Variants in NPY1R observed in about 807,000 individuals in gnomAD.
NPY1R encodes neuropeptide Y receptor Y1, also known as neuropeptide Y receptor type 1.
NPY1R carries 10 observed loss-of-function variants against 24.1 expected under a neutral mutation model. The observed-to-expected ratio is 0.42, with a 90% CI of 0.26 to 0.71. The LOEUF (loss-of-function observed/expected upper bound fraction) is 0.71, where lower values mean the gene tolerates loss of function less well. Ranked by LOEUF, NPY1R falls within the 30% of genes least tolerant of loss-of-function variation. The probability of loss-of-function intolerance (pLI) is 0.28; values close to 1 mark genes in which losing one functional copy is unlikely to be tolerated. For missense variants in NPY1R, 350 were observed against 458.0 expected (o/e 0.76, Z 2.15); for synonymous variants, 168 against 165.9 (o/e 1.01, Z -0.10).
At chr4:163,331,873 C>G (rs1330764099) in intron 1 of NPY1R, among the ~76,000 whole-genome samples, 1 of 152,234 alleles carries the variant, frequency 6.6e-6, no homozygotes, top group Non-Finnish European at 1.5e-5. Context: ...CTGCGGAGCG[C>G]GGCTCGATTG....
chr4:163,333,621 C>G (rs1358526523), upstream of NPY1R, among the ~76,000 whole-genome samples: 1 of 152,194 alleles, frequency 6.6e-6, no homozygotes, highest in African/African-American at 2.4e-5. Flanking sequence ...GAAAACAATT[C>G]TAATGGCAGT....
At chr4:163,329,391 A>C (rs1734678070) in intron 1 of NPY1R, among the ~76,000 whole-genome samples, 1 of 152,250 alleles carries the variant, frequency 6.6e-6, no homozygotes, top group East Asian at 1.9e-4. Flanking sequence ...ACCTGAAGTC[A>C]AGAGTTTGAG....
chr4:163,343,127 CAGA>C (rs1735047875), intron 1 of NPY1R, among the ~76,000 whole-genome samples: 1 of 151,368 alleles, frequency 6.6e-6, no homozygotes. Context: ...TGGGAAGGAA[CAGA>C]AGGACAGGTT....
chr4:163,326,857 A>T (rs539766934), intron 1 of NPY1R, among the ~76,000 whole-genome samples, 152 bp from the exon 2 acceptor site: 1 of 152,348 alleles, frequency 6.6e-6, no homozygotes, highest in Non-Finnish European at 1.5e-5. Context: ...AGAAATGGTG[A>T]AAACATACTG....
upstream of NPY1R, chr4:163,333,151 C>T (rs759949054): frequency 2.0e-5 from 3 of 152,090 alleles, no homozygotes; most frequent in Admixed American, 2.0e-4. Flanking sequence ...TCAATCGGCC[C>T]TCCTTTCTTT....
At chr4:163,328,625 A>T (rs182702027) in intron 1 of NPY1R, among the ~76,000 whole-genome samples, 2 of 152,152 alleles carry the variant, frequency 1.3e-5, no homozygotes, top group East Asian at 3.9e-4. Context: ...CCCCAGCCTG[A>T]CACATTAAGA....
upstream of NPY1R, among the ~76,000 whole-genome samples, chr4:163,333,804 C>T (rs1734784395): frequency 3.3e-5 from 5 of 152,132 alleles, no homozygotes; most frequent in South Asian, 1.0e-3. Context: ...GATGTTTTTC[C>T]AAGAAAGCTT....
upstream of NPY1R, among the ~76,000 whole-genome samples, chr4:163,337,599 T>C (rs1383641974): frequency 6.6e-6 from 1 of 152,212 alleles, no homozygotes; most frequent in Non-Finnish European, 1.5e-5. Context: ...ACAAGCCATC[T>C]CACTCTGCTC....
intron 1 of NPY1R, among the ~76,000 whole-genome samples, chr4:163,342,986 A>T (rs1176621308): frequency 6.8e-3 from 38 of 5,600 alleles, no homozygotes; most frequent in African/African-American, 8.8e-3. Context: ...TCACAGACAC[A>T]CACACACACA....
At chr4:163,335,562 A>G (rs537221881), upstream of NPY1R, among the ~76,000 whole-genome samples, 32 of 152,338 alleles carry the variant, frequency 2.1e-4, no homozygotes, top group African/African-American at 7.7e-4. Flanking sequence ...GTAAATTACC[A>G]TGAATTGTCA....
At chr4:163,331,612 G>C (rs1395264494) in intron 1 of NPY1R, among the ~76,000 whole-genome samples, 1 of 151,936 alleles carries the variant, frequency 6.6e-6, no homozygotes, top group South Asian at 2.1e-4. Context: ...ATCCCAAACC[G>C]AAGTCAATTC....
intron 1 of NPY1R, among the ~76,000 whole-genome samples, chr4:163,327,152 T>C (rs1012491131): frequency 1.3e-5 from 2 of 152,214 alleles, no homozygotes; most frequent in African/African-American, 2.4e-5. Flanking sequence ...GGTCAAGTTA[T>C]AGCAATAGCT....
chr4:163,344,241 C>CTCCTGACA (rs1403156662), intron 1 of NPY1R: 1 of 152,466 alleles, frequency 6.6e-6, no homozygotes, highest in Non-Finnish European at 1.5e-5. Flanking sequence ...AGTGAAGAGA[C>CTCCTGACA]AGCGGAGAGG....
chr4:163,337,784 C>G (rs1180317207), upstream of NPY1R, among the ~76,000 whole-genome samples: 1 of 152,184 alleles, frequency 6.6e-6, no homozygotes, highest in Non-Finnish European at 1.5e-5. Context: ...AATTGCTCAT[C>G]TCTTTCTCAT....
At position 163,326,194 on chromosome 4, in the gene NPY1R, A is replaced by G; in HGVS notation, c.361T>C (p.Cys121Arg). 2.5e-6 allele frequency: 4 copies of G among 1,614,176 alleles called. No individual in the cohort carries two copies. Among genetic ancestry groups the G allele is most frequent in the Non-Finnish European group, 3.4e-6 (4 of 1,179,994 alleles). Reference protein sequence around the residue: ...AMCKLNPFVQCVSITVSIFSL... With the variant: ...AMCKLNPFVQRVSITVSIFSL... The stretch of plus-strand genomic sequence containing the variant: ...AAAATGGACACAGTGATTGAAACAC[A>G]TTGCACAAAAGGATTCAACTTACAC... Residue 121 changes from cysteine to arginine, a missense_variant, in exon 2 of 3, where the codon TGT (cysteine) becomes CGT (arginine). Physicochemically the swap from Cys to Arg is radical, Grantham distance 180 (BLOSUM62 -3). Transcript: ENST00000296533.
chr4:163,338,318 T>G lies in NPY1R; in HGVS notation c.-152+5987A>C, dbSNP rs1000210239. ...TAAATATAGTCAAAAATAAATTAATTTTAGCCCATTTAGAGCCTACCTTCT... is the reference window on the plus strand; with the variant it reads ...TAAATATAGTCAAAAATAAATTAATGTTAGCCCATTTAGAGCCTACCTTCT... On this transcript the variant is annotated intron_variant, in intron 1 of 1. Coordinates refer to the NPY1R transcript ENST00000511901. Among the ~76,000 whole-genome samples the G allele has an allele frequency of 2.0e-5, 3 of 152,182 alleles. No individual in the cohort carries two copies. In the East Asian group the frequency reaches 5.8e-4, roughly 29 times the overall value.
chr4:163,342,041 C>T (rs1734997992), intron 1 of NPY1R, among the ~76,000 whole-genome samples: 1 of 152,124 alleles, frequency 6.6e-6, no homozygotes, highest in Non-Finnish European at 1.5e-5. Flanking sequence ...AGAAGAAATG[C>T]CAACTCCTGT....
At chr4:163,338,817 A>T (rs185022633) in intron 1 of NPY1R, among the ~76,000 whole-genome samples, 8 of 152,266 alleles carry the variant, frequency 5.3e-5, no homozygotes, top group Middle Eastern at 3.4e-3. Flanking sequence ...TTCCTTGGAC[A>T]TTGTGCTTCT....
At chr4:163,329,307 A>G (rs1734676206) in intron 1 of NPY1R, among the ~76,000 whole-genome samples, 1 of 152,180 alleles carries the variant, frequency 6.6e-6, no homozygotes, top group South Asian at 2.1e-4. Flanking sequence ...AAAACAAAGC[A>G]AGAAAGAGGG....
Sources: allele counts gnomAD v4.1 joint callset (sites outside exome capture counted in the v4.1 genomes callset), GRCh38; gene constraint gnomAD v4.1.1; transcripts MANE v1.5; gene names NCBI Gene and HGNC (gene_info 2026-07-23, HGNC 2026-07-21).